The following CADPS2 variants were observed in gnomAD, a reference collection of about 807,000 sequenced individuals.
CADPS2 encodes calcium-dependent secretion activator 2.
In CADPS2, 93 loss-of-function variants were observed where a neutral mutation model predicts 172.5. That is an observed-to-expected ratio of 0.54 (90% CI 0.46 to 0.64). CADPS2 has a LOEUF of 0.64. CADPS2 is among the 30% of genes least tolerant of loss of function. CADPS2 has a pLI of 0.00. For synonymous variants in CADPS2, 546 were observed against 555.2 expected (o/e 0.98, Z 0.23); for missense variants, 1,420 against 1,565.9 (o/e 0.91, Z 1.57).
intron 6 of CADPS2, among the ~76,000 whole-genome samples, chr7:122,586,479 TAA>T (rs2069713945): frequency 6.6e-6 from 1 of 151,962 alleles, no homozygotes; most frequent in African/African-American, 2.4e-5. Context: ...CTCATTTGGG[TAA>T]GAAATCAAAT....
At chr7:122,664,868 TTG>T (rs2081019632) in intron 2 of CADPS2, among the ~76,000 whole-genome samples, 1 of 152,010 alleles carries the variant, frequency 6.6e-6, no homozygotes, top group South Asian at 2.1e-4. Flanking sequence ...CACTGCAGCC[TTG>T]ACATCCCAGG....
intron 12 of CADPS2, chr7:122,480,180 C>T: frequency 2.2e-6 from 1 of 464,000 alleles, no homozygotes; most frequent in Non-Finnish European, 4.5e-6. Context: ...TTTTATATAT[C>T]CAGAGAGTCA....
At chr7:122,726,078 C>T (rs143575096) in intron 2 of CADPS2, among the ~76,000 whole-genome samples, 265 of 151,894 alleles carry the variant, frequency 1.7e-3, no homozygotes, top group African/African-American at 5.7e-3. Flanking sequence ...AAATAAAACT[C>T]CCATTCACCC....
intron 20 of CADPS2, among the ~76,000 whole-genome samples, chr7:122,399,843 C>T (rs550056011): frequency 7.0e-4 from 106 of 151,118 alleles, no homozygotes; most frequent in African/African-American, 2.3e-3. Context: ...CCCGCCACTA[C>T]GCCCGGCTAA....
chr7:122,382,101 T>C (rs1169278179), intron 24 of CADPS2: 3 of 152,106 alleles, frequency 2.0e-5, no homozygotes, highest in African/African-American at 7.2e-5. Context: ...ATGCCATACA[T>C]AGGTATACAA....
intron 8 of CADPS2, among the ~76,000 whole-genome samples, chr7:122,522,085 T>C (rs1263892960): frequency 6.6e-6 from 1 of 151,986 alleles, no homozygotes; most frequent in Non-Finnish European, 1.5e-5. Context: ...CTGATCATTC[T>C]TTTTTTTCTC....
At chr7:122,490,409 A>G in intron 10 of CADPS2, 128 bp from the exon 11 acceptor site, 1 of 684,596 alleles carries the variant, frequency 1.5e-6, no homozygotes, top group Admixed American at 2.8e-5. Context: ...AAGAATATTT[A>G]GTTTAAAGGA....
At chr7:122,541,789 TTATATATTCA>T (rs2063049989) in intron 8 of CADPS2, among the ~76,000 whole-genome samples, 1 of 115,310 alleles carries the variant, frequency 8.7e-6, no homozygotes, top group East Asian at 2.8e-4. Flanking sequence ...ATTCATATAT[TTATATATTCA>T]TATATATTTA....
At chr7:122,786,147 G>A (rs1427665805) in intron 1 of CADPS2, among the ~76,000 whole-genome samples, 1 of 152,064 alleles carries the variant, frequency 6.6e-6, no homozygotes, top group East Asian at 1.9e-4. Context: ...GGGATAACAC[G>A]GACTTTTATT....
chr7:122,636,087 G>A (rs946282485), intron 3 of CADPS2, among the ~76,000 whole-genome samples: 9 of 152,148 alleles, frequency 5.9e-5, no homozygotes, highest in African/African-American at 1.9e-4. Flanking sequence ...GGGGTTTTGA[G>A]ACCATTTACA....
At chr7:122,411,571 AAGG>A (rs1220241014) in intron 19 of CADPS2, among the ~76,000 whole-genome samples, 15 of 152,144 alleles carry the variant, frequency 9.9e-5, no homozygotes, top group African/African-American at 3.4e-4. Context: ...TAAAACAAAA[AAGG>A]AGGATGGCTG....
At chr7:122,498,559 C>T (rs1327918892) in intron 9 of CADPS2, among the ~76,000 whole-genome samples, 1 of 151,950 alleles carries the variant, frequency 6.6e-6, no homozygotes, top group Non-Finnish European at 1.5e-5. Context: ...GAGTTCTAGG[C>T]AGCTTCCTCA....
chr7:122,837,021 G>T (rs1006566994), intron 1 of CADPS2, among the ~76,000 whole-genome samples: 5 of 152,154 alleles, frequency 3.3e-5, no homozygotes, highest in African/African-American at 1.2e-4. Context: ...TGACCACACA[G>T]TTGGAAGTAA....
chr7:122,405,174 C>T (rs1339605267), intron 20 of CADPS2, among the ~76,000 whole-genome samples: 2 of 152,142 alleles, frequency 1.3e-5, no homozygotes. Flanking sequence ...TACTTATTCT[C>T]ATTTAGGGGA....
chr7:122,771,613 T>C (rs956613087), intron 1 of CADPS2, among the ~76,000 whole-genome samples: 3 of 151,718 alleles, frequency 2.0e-5, no homozygotes, highest in African/African-American at 7.3e-5. Context: ...ACAATGGGAG[T>C]AGAAAGGAAA....
intron 1 of CADPS2, among the ~76,000 whole-genome samples, chr7:122,830,895 CATT>C (rs1168104972): frequency 4.6e-5 from 7 of 152,018 alleles, no homozygotes; most frequent in South Asian, 2.1e-4. Flanking sequence ...AAAATGTCCT[CATT>C]ATAAAAAAGC....
intron 25 of CADPS2, among the ~76,000 whole-genome samples, chr7:122,363,272 C>T (rs7778318): frequency 0.18 from 27,676 of 152,090 alleles, 3,001 homozygotes; most frequent in Non-Finnish European, 0.26. Flanking sequence ...CAAGTGTGTA[C>T]TGGGTGATCT....
intron 1 of CADPS2, among the ~76,000 whole-genome samples, chr7:122,867,171 C>G (rs1403040119): frequency 1.3e-5 from 2 of 152,146 alleles, no homozygotes; most frequent in Non-Finnish European, 2.9e-5. Flanking sequence ...CAAACCCCCT[C>G]CCACAGTTAC....
intron 2 of CADPS2, among the ~76,000 whole-genome samples, chr7:122,686,551 T>A (rs1287218543): frequency 1.3e-5 from 2 of 152,212 alleles, no homozygotes. Flanking sequence ...AACTCTGCAG[T>A]GAGCTTAAGA....
Sources: allele counts gnomAD v4.1 joint callset (sites outside exome capture counted in the v4.1 genomes callset), GRCh38; gene constraint gnomAD v4.1.1; transcripts MANE v1.5; gene names NCBI Gene and HGNC (gene_info 2026-07-23, HGNC 2026-07-21).